VPS13D: variants seen among roughly 807,000 people sequenced by gnomAD.
The protein encoded by VPS13D is intermembrane lipid transfer protein VPS13D.
Under a neutral mutation model 461.9 loss-of-function variants are expected in VPS13D, and 187 were observed. The ratio of observed to expected loss-of-function variants is 0.40; its 90% CI spans 0.36 to 0.46. The LOEUF (loss-of-function observed/expected upper bound fraction) is 0.46, where lower values mean the gene tolerates loss of function less well. Among genes scored for constraint, VPS13D ranks in the 20% least tolerant of loss-of-function variants. The pLI is 0.60. For synonymous variants in VPS13D, 1,951 were observed against 1,986.3 expected, an observed-to-expected ratio of 0.98 and a Z score of 0.47; for missense variants, 4,711 against 5,364.9, an observed-to-expected ratio of 0.88 and a Z score of 3.81.
In VPS13D at chr1:12,274,366, G is replaced by A. The variant is rs12068375; in HGVS notation, c.2236+1231G>A. 9.7e-3 allele frequency among the ~76,000 whole-genome samples: 1,474 copies of A among 152,298 alleles called. 28 individuals are homozygous for A. Among genetic ancestry groups the A allele is most frequent in the African/African-American group, 0.032 (1,343 of 41,556 alleles). Reference sequence around the variant, plus strand: ...ATTTTTTGTATTTTTAGTAGAGACAGGGTTTCGCCATGTTGGCCAGGCTGG... The same window carrying A: ...ATTTTTTGTATTTTTAGTAGAGACAAGGTTTCGCCATGTTGGCCAGGCTGG... On this transcript the variant is annotated intron_variant, in intron 18 of 69. Transcript: ENST00000620676.
At chr1:12,359,874 A>G (rs1258236376) in intron 50 of VPS13D, among the ~76,000 whole-genome samples, 1 of 152,212 alleles carries the variant, frequency 6.6e-6, no homozygotes. Flanking sequence ...CACCCTTTGA[A>G]TAGGCAAAGG....
At chr1:12,336,765 C>G (rs1013183032) in intron 39 of VPS13D, 1 of 152,212 alleles carries the variant, frequency 6.6e-6, no homozygotes, top group Non-Finnish European at 1.5e-5. Flanking sequence ...TTCTGAGTCT[C>G]AAGGTCATTA....
At chr1:12,369,742 G>T in intron 54 of VPS13D, 40 bp downstream of exon 54, 2 of 1,576,872 alleles carry the variant, frequency 1.3e-6, no homozygotes, top group African/African-American at 1.4e-5. Flanking sequence ...AAAGCAGAAG[G>T]TTCTAATTAT....
chr1:12,283,783 G>T (rs573788717), intron 21 of VPS13D, 47 bp downstream of exon 21: 2 of 1,527,658 alleles, frequency 1.3e-6, no homozygotes, highest in Non-Finnish European at 8.8e-7. Context: ...AAATGGATTT[G>T]GGCTTGTTGA....
At chr1:12,340,972 A>G (rs1004022252) in intron 40 of VPS13D, among the ~76,000 whole-genome samples, 1 of 152,136 alleles carries the variant, frequency 6.6e-6, no homozygotes, top group Non-Finnish European at 1.5e-5. Context: ...CTGCAGAGGG[A>G]TCTGTCTGCC....
chr1:12,319,406 T>G, intron 31 of VPS13D, 91 bp from the exon 32 acceptor site: 1 of 1,556,574 alleles, frequency 6.4e-7, no homozygotes, highest in Non-Finnish European at 8.7e-7. Flanking sequence ...TGTTGTTGCC[T>G]GGTGGAAATG....
intron 65 of VPS13D, among the ~76,000 whole-genome samples, chr1:12,423,624 T>G (rs12058577): frequency 0.16 from 24,972 of 152,150 alleles, 3,727 homozygotes; most frequent in African/African-American, 0.4. Flanking sequence ...AGGAGCTGCT[T>G]CTTTTCGAAG....
intron 67 of VPS13D, chr1:12,478,506 C>G: frequency 3.6e-6 from 1 of 275,644 alleles, no homozygotes; most frequent in South Asian, 4.1e-5. Context: ...TGCATATCCA[C>G]AGGGCAAAAG....
Position 12,497,507 on chromosome 1 carries a change from G to A in VPS13D, c.12670G>A (p.Ala4224Thr), listed in dbSNP as rs908841714. The A allele has an allele frequency of 2.5e-6, 4 of 1,613,866 alleles. No homozygotes were observed. The highest frequency in any genetic ancestry group is 2.5e-6 in the Non-Finnish European group (3 of 1,179,888). ...GTCCATTTACCCATCTAGGACTCAA[G>A]CACAGAGGGTTCGGAAACCGCGTTG... ...TATLSGPRTQ[A>T]QRVRKPRCCT... The change falls in exon 68 of 70, where the codon GCA becomes ACA. Residue 4224 changes from alanine (A) to threonine (T), a missense_variant. By Grantham distance (58) the Ala-to-Thr change is moderately conservative (BLOSUM62 0). This residue lies in a region of VPS13D where 194 missense variants were observed against 220.9 expected (regional missense o/e 0.88). Transcript: ENST00000620676.
chr1:12,366,428 C>A (rs1462985684), intron 52 of VPS13D, among the ~76,000 whole-genome samples: 2 of 152,122 alleles, frequency 1.3e-5, no homozygotes, highest in Non-Finnish European at 2.9e-5. Context: ...CTACCTCAAC[C>A]AGCACTTTTG....
chr1:12,365,037 A>G (rs1459564466), intron 52 of VPS13D, among the ~76,000 whole-genome samples: 2 of 152,152 alleles, frequency 1.3e-5, no homozygotes, highest in African/African-American at 4.8e-5. Flanking sequence ...CCATTAAATG[A>G]TCTTGGTACT....
intron 23 of VPS13D, among the ~76,000 whole-genome samples, chr1:12,292,262 CA>C (rs766212937): frequency 0.028 from 347 of 12,246 alleles, no homozygotes; most frequent in Middle Eastern, 0.045. Context: ...AACTCCATCT[CA>C]AAAAAAAAAA....
intron 15 of VPS13D, 111 bp downstream of exon 15, chr1:12,268,031 G>T: frequency 1.2e-6 from 1 of 838,340 alleles, no homozygotes; most frequent in South Asian, 1.7e-5. Context: ...GTGTGATCTT[G>T]GCTCACTGCA....
intron 65 of VPS13D, among the ~76,000 whole-genome samples, chr1:12,421,200 T>C (rs944929269): frequency 6.6e-6 from 1 of 152,206 alleles, no homozygotes; most frequent in African/African-American, 2.4e-5. Flanking sequence ...AGCCACCAAA[T>C]TGTGAGCATC....
chr1:12,233,839 G>T (rs1156707787), intron 1 of VPS13D, among the ~76,000 whole-genome samples: 3 of 152,138 alleles, frequency 2.0e-5, no homozygotes, highest in Non-Finnish European at 4.4e-5. Flanking sequence ...CCTGAGGTCA[G>T]GAGTTTGGGA....
intron 65 of VPS13D, among the ~76,000 whole-genome samples, chr1:12,433,210 T>A (rs1645015174): frequency 6.6e-6 from 1 of 151,630 alleles, no homozygotes; most frequent in Non-Finnish European, 1.5e-5. Context: ...GAGTAGGTGC[T>A]CGAAACCTTT....
At chr1:12,295,703 C>T (rs1019886887) in intron 24 of VPS13D, among the ~76,000 whole-genome samples, 1 of 152,094 alleles carries the variant, frequency 6.6e-6, no homozygotes, top group Non-Finnish European at 1.5e-5. Flanking sequence ...TTATCTGTAG[C>T]ATGTATATAT....
chr1:12,364,317 G>T (rs1023526285), intron 52 of VPS13D, among the ~76,000 whole-genome samples: 1 of 152,064 alleles, frequency 6.6e-6, no homozygotes, highest in African/African-American at 2.4e-5. Flanking sequence ...TACGGTATTT[G>T]TCTTTTTGTG....
intron 67 of VPS13D, among the ~76,000 whole-genome samples, chr1:12,489,749 C>T (rs1304025933): frequency 6.6e-6 from 1 of 152,136 alleles, no homozygotes; most frequent in Admixed American, 6.5e-5. Flanking sequence ...TTATCGAGTG[C>T]CTATTATGTG....
Sources: allele counts gnomAD v4.1 joint callset (sites outside exome capture counted in the v4.1 genomes callset), GRCh38; gene constraint gnomAD v4.1.1; regional missense constraint gnomAD v4.1.1; transcripts MANE v1.5; gene names NCBI Gene and HGNC (gene_info 2026-07-23, HGNC 2026-07-21).